The following MED12L variants were observed in gnomAD, a reference collection of about 807,000 sequenced individuals.
The protein encoded by MED12L is mediator complex subunit 12L.
MED12L carries 60 observed loss-of-function variants against 281.3 expected under a neutral mutation model. That is an observed-to-expected ratio of 0.21 (90% confidence interval 0.17 to 0.26). The LOEUF is 0.26. Among genes scored for constraint, MED12L ranks in the 10% least tolerant of loss-of-function variants. The pLI is 1.00. For synonymous variants in MED12L, 974 were observed against 987.2 expected (o/e 0.99, Z 0.25); for missense variants, 2,146 against 2,680.9 (o/e 0.80, Z 4.41).
At chr3:151,130,598 G>T (rs1715236648) in intron 5 of MED12L, among the ~76,000 whole-genome samples, 2 of 152,170 alleles carry the variant, frequency 1.3e-5, no homozygotes, top group Admixed American at 6.5e-5. Context: ...CACTCAGATT[G>T]TGTAACTCAG....
intron 16 of MED12L, among the ~76,000 whole-genome samples, chr3:151,221,409 A>C (rs1729326041): frequency 1.3e-5 from 2 of 152,252 alleles, no homozygotes; most frequent in Admixed American, 1.3e-4. Flanking sequence ...AAATGTATCC[A>C]GGGCATGTCA....
chr3:151,341,389 T>C (rs1368659009), intron 16 of MED12L, among the ~76,000 whole-genome samples: 1 of 152,074 alleles, frequency 6.6e-6, no homozygotes, highest in Non-Finnish European at 1.5e-5. Flanking sequence ...TGAATAGAAT[T>C]TAAATATAAA....
chr3:151,117,719 T>C (rs1452863522), intron 3 of MED12L, among the ~76,000 whole-genome samples: 1 of 151,616 alleles, frequency 6.6e-6, no homozygotes, highest in East Asian at 1.9e-4. Context: ...TAACTCTCAT[T>C]AAAAGTGTAT....
intron 16 of MED12L, among the ~76,000 whole-genome samples, chr3:151,258,085 T>G (rs997066747): frequency 6.6e-6 from 1 of 152,234 alleles, no homozygotes; most frequent in Non-Finnish European, 1.5e-5. Flanking sequence ...ACCATTCCAA[T>G]CTGTGGGTCC....
chr3:151,149,625 A>C (rs571808064), intron 5 of MED12L, among the ~76,000 whole-genome samples: 3 of 152,262 alleles, frequency 2.0e-5, no homozygotes, highest in South Asian at 4.1e-4. Flanking sequence ...ACAGTAATGA[A>C]GTTTGCCACA....
intron 5 of MED12L, among the ~76,000 whole-genome samples, chr3:151,155,609 C>G (rs572338610): frequency 2.6e-5 from 4 of 152,208 alleles, no homozygotes; most frequent in Admixed American, 6.5e-5. Flanking sequence ...TGGTCCAGCC[C>G]GCAGTGAATG....
intron 39 of MED12L, among the ~76,000 whole-genome samples, chr3:151,397,114 A>AT (rs1250844678): frequency 8.6e-5 from 13 of 151,778 alleles, no homozygotes; most frequent in Admixed American, 3.3e-4. Flanking sequence ...ACAGTGTTGG[A>AT]TTTTTTTTCT....
rs1719063625 is a variant in MED12L, at chr3:151,085,733, G to A, written c.-333G>A. ...TCGCGCTCCCGGGCCGTGGGGGCGA[G>A]AACGCCGGCGGCGAGCCGGCGTCGC... On this transcript the variant is annotated 5_prime_UTR_variant, in exon 1 of 45. Transcript: ENST00000687756. The A allele has an allele frequency of 6.6e-6, 1 of 152,082 alleles. No homozygotes were observed. The highest frequency in any genetic ancestry group is 6.5e-5 in the Admixed American group (1 of 15,278). The allele number at this position is 152,082 out of a possible 1,614,324, so 9.4% of individuals were successfully genotyped here.
intron 16 of MED12L, among the ~76,000 whole-genome samples, chr3:151,240,836 G>A (rs887256563): frequency 5.3e-5 from 8 of 152,222 alleles, no homozygotes; most frequent in African/African-American, 1.9e-4. Flanking sequence ...AGGAGTGATA[G>A]GTGAAAGGGT....
At chr3:151,191,687 AC>A (rs1449618687) in intron 14 of MED12L, among the ~76,000 whole-genome samples, 3 of 152,048 alleles carry the variant, frequency 2.0e-5, no homozygotes, top group African/African-American at 7.2e-5. Flanking sequence ...CGGGCAGACC[AC>A]CCGAAGTTGG....
chr3:151,261,976 C>T (rs868823313), intron 16 of MED12L, among the ~76,000 whole-genome samples: 2 of 152,182 alleles, frequency 1.3e-5, no homozygotes, highest in South Asian at 4.1e-4. Context: ...ATTGACCCGC[C>T]TCGGCCTCCC....
intron 16 of MED12L, among the ~76,000 whole-genome samples, chr3:151,277,525 G>A (rs921022136): frequency 2.0e-5 from 3 of 152,016 alleles, no homozygotes; most frequent in African/African-American, 7.2e-5. Flanking sequence ...TTTCTCCGTA[G>A]GATTGATTGT....
In MED12L at chr3:151,164,035, A is replaced by G. The variant is rs761280014; in HGVS notation, c.1250A>G (p.Asn417Ser). Residue 417 changes from asparagine to serine, a missense_variant, in exon 9 of 45, where the codon AAT becomes AGT. Around this residue, in one of 9 missense-constraint regions of MED12L, gnomAD observed 722 missense variants for 861.2 expected, o/e 0.84. Coordinates refer to ENST00000687756, the MANE Select transcript of MED12L (RefSeq NM_001393769.1). ...LPMPGGNTAF[N>S]QQVRARIYEV... ...ATGCCGGGTGGGAACACGGCTTTCAATCAGCAGGTAGACTTTATGTTTCAG... is the reference window on the plus strand; with the variant it reads ...ATGCCGGGTGGGAACACGGCTTTCAGTCAGCAGGTAGACTTTATGTTTCAG... 2.5e-5 allele frequency: 40 copies of G among 1,613,016 alleles called. No individual in the cohort carries two copies. The highest frequency in any genetic ancestry group is 3.3e-5 in the Non-Finnish European group (39 of 1,179,516).
At chr3:151,220,315 G>C (rs1181432574) in intron 16 of MED12L, among the ~76,000 whole-genome samples, 1 of 151,962 alleles carries the variant, frequency 6.6e-6, no homozygotes, top group Non-Finnish European at 1.5e-5. Flanking sequence ...GCAAAATGGT[G>C]GTTGGATTTG....
intron 16 of MED12L, chr3:151,328,043 G>T (rs1445195988): frequency 1.9e-6 from 3 of 1,603,030 alleles, no homozygotes; most frequent in Admixed American, 3.5e-5. Context: ...TTGGCTTGAT[G>T]CTGTGGTCTT....
intron 27 of MED12L, 56 bp from the exon 28 acceptor site, chr3:151,375,970 C>CATATATATATATATAT (rs148538586): frequency 0.028 from 22,216 of 802,178 alleles, 441 homozygotes; most frequent in African/African-American, 0.049. Context: ...GTACATATTG[C>CATATATATATATATAT]ATATATATAT....
intron 44 of MED12L, among the ~76,000 whole-genome samples, chr3:151,431,440 C>T (rs377490890): frequency 2.7e-4 from 41 of 152,322 alleles, no homozygotes; most frequent in Admixed American, 7.8e-4. Context: ...GTGTCTGTCT[C>T]TACCAGTGGA....
chr3:151,432,731 T>G (rs755508956), intron 44 of MED12L, 21 bp from the exon 45 acceptor site: 22 of 1,607,310 alleles, frequency 1.4e-5, no homozygotes, highest in Non-Finnish European at 1.7e-5. Context: ...TAATTTTGGT[T>G]CAATTTATTT....
intron 43 of MED12L, among the ~76,000 whole-genome samples, chr3:151,420,144 C>G (rs964171387): frequency 6.6e-6 from 1 of 152,146 alleles, no homozygotes; most frequent in African/African-American, 2.4e-5. Context: ...TCCCATTGAC[C>G]TTAATCACAG....
Sources: gnomAD v4.1 joint callset for allele counts (sites outside exome capture counted in the v4.1 genomes callset) on GRCh38, gnomAD v4.1.1 for gene constraint, gnomAD v4.1.1 regional missense constraint, MANE v1.5 for transcripts, NCBI Gene and HGNC (gene_info 2026-07-23, HGNC 2026-07-21) for gene names.